Variants in MCC observed in about 807,000 individuals in gnomAD.
MCC encodes the protein colorectal mutant cancer protein.
A neutral mutation model predicts 116.2 loss-of-function variants in MCC; 90 were observed. The ratio of observed to expected loss-of-function variants is 0.77; its 90% CI spans 0.65 to 0.92. The LOEUF is 0.92. Among genes scored for constraint, MCC ranks in the 40% least tolerant of loss-of-function variants. The pLI is 0.00. For synonymous variants in MCC, 578 were observed against 510.5 expected, an observed-to-expected ratio of 1.13 and a Z score of -1.78; for missense variants, 1,516 against 1,312.2, an observed-to-expected ratio of 1.16 and a Z score of -2.40.
intron 3 of MCC, among the ~76,000 whole-genome samples, chr5:113,161,269 A>C (rs893342294): frequency 6.6e-6 from 1 of 152,208 alleles, no homozygotes; most frequent in East Asian, 1.9e-4. Context: ...AAGATGTAAC[A>C]ATTAAATCCA....
At chr5:113,322,291 G>A (rs1767439697) in intron 3 of MCC, among the ~76,000 whole-genome samples, 1 of 152,126 alleles carries the variant, frequency 6.6e-6, no homozygotes, top group Non-Finnish European at 1.5e-5. Context: ...ATTGCAGTTT[G>A]ACTGCACACT....
intron 1 of MCC, among the ~76,000 whole-genome samples, chr5:113,472,934 C>A (rs1015947996): frequency 6.6e-6 from 1 of 152,182 alleles, no homozygotes; most frequent in African/African-American, 2.4e-5. Context: ...TTGGTTCATT[C>A]ATTCAATGTT....
intron 3 of MCC, among the ~76,000 whole-genome samples, chr5:113,285,116 G>A (rs902131148): frequency 6.6e-6 from 1 of 152,082 alleles, no homozygotes. Context: ...TAATTACAGT[G>A]TATTTTTATG....
chr5:113,377,222 GT>G (rs538001312), intron 2 of MCC, among the ~76,000 whole-genome samples: 1 of 152,216 alleles, frequency 6.6e-6, no homozygotes, highest in African/African-American at 2.4e-5. Flanking sequence ...AGAGTTGGGT[GT>G]TTGCTGCTTG....
intron 1 of MCC, among the ~76,000 whole-genome samples, chr5:113,472,257 C>T (rs1211951368): frequency 5.3e-5 from 8 of 152,188 alleles, no homozygotes; most frequent in African/African-American, 1.4e-4. Flanking sequence ...GTGTCGCTCA[C>T]GCTGGGAGCT....
intron 1 of MCC, among the ~76,000 whole-genome samples, chr5:113,457,953 T>C (rs1334230614): frequency 1.3e-5 from 2 of 151,696 alleles, no homozygotes; most frequent in African/African-American, 4.8e-5. Flanking sequence ...TGAAGAACCT[T>C]TGTGTCCACA....
At chr5:113,474,133 A>T (rs1053554810) in intron 1 of MCC, among the ~76,000 whole-genome samples, 3 of 152,240 alleles carry the variant, frequency 2.0e-5, no homozygotes, top group Admixed American at 1.3e-4. Flanking sequence ...TCTAAAAATT[A>T]TCAAGCATTT....
chr5:113,292,998 C>T (rs1400347770), intron 3 of MCC, among the ~76,000 whole-genome samples: 3 of 152,170 alleles, frequency 2.0e-5, no homozygotes, highest in Non-Finnish European at 1.5e-5. Context: ...TCACTCTCAG[C>T]ATTTCTTGAG....
At chr5:113,213,737 G>T (rs1280509093) in intron 3 of MCC, among the ~76,000 whole-genome samples, 8 of 152,172 alleles carry the variant, frequency 5.3e-5, no homozygotes. Flanking sequence ...AGTAAGGTTG[G>T]TTTCTAATTC....
chr5:113,101,279 C>A (rs1353094638), intron 8 of MCC, among the ~76,000 whole-genome samples: 2 of 151,678 alleles, frequency 1.3e-5, no homozygotes, highest in Non-Finnish European at 2.9e-5. Context: ...TAAGTCTGCA[C>A]CAGGAGAGAC....
intron 8 of MCC, 180 bp downstream of exon 8, chr5:113,101,559 A>C: frequency 1.7e-6 from 1 of 574,008 alleles, no homozygotes; most frequent in South Asian, 2.4e-5. Context: ...TTTAAATCTT[A>C]CCTCTATACC....
intron 1 of MCC, among the ~76,000 whole-genome samples, chr5:113,421,823 G>A (rs1770345298): frequency 6.6e-6 from 1 of 152,170 alleles, no homozygotes; most frequent in Non-Finnish European, 1.5e-5. Flanking sequence ...CACGCTCCAT[G>A]AGGCTCTGGA....
At chr5:113,045,630 T>C (rs1258615128) in intron 16 of MCC, among the ~76,000 whole-genome samples, 1 of 151,978 alleles carries the variant, frequency 6.6e-6, no homozygotes, top group Non-Finnish European at 1.5e-5. Context: ...TGAAAACTCA[T>C]CTCTACTAAA....
At chr5:113,453,655 T>G (rs764993880) in intron 1 of MCC, among the ~76,000 whole-genome samples, 20 of 152,156 alleles carry the variant, frequency 1.3e-4, no homozygotes, top group Non-Finnish European at 1.9e-4. Context: ...GTCTCCCCAT[T>G]AAGCTGAATG....
chr5:113,387,068 G>T (rs1769278452), intron 1 of MCC, among the ~76,000 whole-genome samples: 1 of 151,992 alleles, frequency 6.6e-6, no homozygotes, highest in Non-Finnish European at 1.5e-5. Context: ...TGCCTATACT[G>T]TTGAGCTTGT....
intron 3 of MCC, among the ~76,000 whole-genome samples, chr5:113,288,628 T>C (rs1031373049): frequency 6.6e-6 from 1 of 152,238 alleles, no homozygotes; most frequent in African/African-American, 2.4e-5. Flanking sequence ...GGGTATTGCA[T>C]AGGGATTACA....
At chr5:113,487,082 C>A (rs976596736) in intron 1 of MCC, among the ~76,000 whole-genome samples, 5 of 151,990 alleles carry the variant, frequency 3.3e-5, no homozygotes, top group African/African-American at 1.2e-4. Flanking sequence ...CCTAATGTTT[C>A]TCAGTAAAAC....
chr5:113,399,409 C>T (rs554492128), intron 1 of MCC, among the ~76,000 whole-genome samples: 15 of 152,108 alleles, frequency 9.9e-5, no homozygotes, highest in South Asian at 4.2e-4. Context: ...GGAGTGAACC[C>T]GGGAGGTGGA....
intron 4 of MCC, among the ~76,000 whole-genome samples, chr5:113,145,454 A>G (rs1759438358): frequency 6.6e-6 from 1 of 152,032 alleles, no homozygotes; most frequent in East Asian, 1.9e-4. Context: ...ACTTTCCCTT[A>G]TTTCTCTACT....
Sources: gnomAD v4.1 joint callset for allele counts (sites outside exome capture counted in the v4.1 genomes callset) on GRCh38, gnomAD v4.1.1 for gene constraint, MANE v1.5 for transcripts, NCBI Gene and HGNC (gene_info 2026-07-23, HGNC 2026-07-21) for gene names.